SMCO4: variants seen among roughly 807,000 people sequenced by gnomAD.
SMCO4 encodes the protein single-pass membrane protein with coiled-coil domains 4.
In SMCO4, 4 loss-of-function variants were observed where a neutral mutation model predicts 3.6. The ratio of observed to expected loss-of-function variants is 1.11; its 90% confidence interval spans 0.54 to 2.53. The LOEUF is 2.53. SMCO4 is among the 30% of genes most tolerant of loss of function. SMCO4 has a pLI of 0.02. For missense variants in SMCO4, 70 were observed against 80.8 expected (o/e 0.87, Z 0.51); for synonymous variants, 36 against 35.3 (o/e 1.02, Z -0.07).
intron 2 of SMCO4, among the ~76,000 whole-genome samples, chr11:93,497,044 AAAC>A (rs1357736125): frequency 1.3e-5 from 2 of 152,210 alleles, no homozygotes; most frequent in Admixed American, 6.5e-5. Flanking sequence ...TGTTTTAGGA[AAAC>A]AACAATTCAC....
At chr11:93,536,453 AG>A (rs1465633862) in intron 1 of SMCO4, among the ~76,000 whole-genome samples, 5 of 152,244 alleles carry the variant, frequency 3.3e-5, no homozygotes, top group African/African-American at 1.2e-4. Flanking sequence ...AATATTTTGT[AG>A]GCAAATAAAA....
chr11:93,542,114 G>GAA (rs11417314), intron 1 of SMCO4, among the ~76,000 whole-genome samples: 10,241 of 148,464 alleles, frequency 0.069, 445 homozygotes, highest in African/African-American at 0.11. Context: ...TTGTAAAGGG[G>GAA]AAAAAAAAAA....
At chr11:93,546,254 C>G (rs957907695), upstream of SMCO4, among the ~76,000 whole-genome samples, 2 of 152,244 alleles carry the variant, frequency 1.3e-5, no homozygotes, top group Admixed American at 1.3e-4. Flanking sequence ...AGCAGAGCAT[C>G]ACACTTCATG....
chr11:93,490,870 G>T (rs140957867), intron 2 of SMCO4, among the ~76,000 whole-genome samples: 2 of 152,226 alleles, frequency 1.3e-5, no homozygotes, highest in Admixed American at 1.3e-4. Flanking sequence ...TCTGAAAGAC[G>T]AATAGGATGC....
chr11:93,533,708 C>T (rs1165140662), intron 1 of SMCO4, among the ~76,000 whole-genome samples: 1 of 152,120 alleles, frequency 6.6e-6, no homozygotes, highest in East Asian at 1.9e-4. Flanking sequence ...GAGAACATCC[C>T]AACTCAACTC....
chr11:93,490,041 A>G (rs1948695706), intron 2 of SMCO4, among the ~76,000 whole-genome samples: 1 of 152,200 alleles, frequency 6.6e-6, no homozygotes, highest in Non-Finnish European at 1.5e-5. Flanking sequence ...CAGAGCCAGC[A>G]GCAAAGGAGG....
rs1413626816 is a variant in SMCO4 at position 93,499,284 on chromosome 11, C to A, written c.-89G>T. The A allele has an allele frequency of 1.3e-5, 2 of 152,208 alleles. No homozygotes were observed. The highest frequency in any genetic ancestry group is 6.5e-5 in the Admixed American group (1 of 15,290). 9.4% of individuals were successfully genotyped at this position (152,208 alleles called of 1,614,324 possible). A position where few individuals can be genotyped will look rare whatever the true frequency, so the allele number is the denominator to read the frequency against. ...TATAAGAGAATGTTTACCTTTTCTT[C>A]AACTTCAAGAATCGTTGATTAATTT... On this transcript the variant is annotated 5_prime_UTR_variant, in exon 2 of 3. Transcript: ENST00000298966.
intron 1 of SMCO4, among the ~76,000 whole-genome samples, chr11:93,512,847 C>A (rs901058296): frequency 4.6e-5 from 7 of 152,154 alleles, no homozygotes; most frequent in African/African-American, 1.4e-4. Flanking sequence ...TACTACAATA[C>A]AATACAGGGC....
the SMCO4 span, among the ~76,000 whole-genome samples, chr11:93,552,875 A>G: frequency 6.6e-6 from 1 of 152,104 alleles, no homozygotes; most frequent in East Asian, 1.9e-4. Context: ...CCTTTTAGGA[A>G]ATTATTCTTC....
intron 1 of SMCO4, among the ~76,000 whole-genome samples, chr11:93,520,292 T>G (rs1038409950): frequency 5.9e-5 from 9 of 152,200 alleles, no homozygotes; most frequent in African/African-American, 2.2e-4. Flanking sequence ...CTAATAATAC[T>G]GATGATGATA....
At chr11:93,498,047 AC>A (rs1948795181) in intron 2 of SMCO4, among the ~76,000 whole-genome samples, 1 of 152,216 alleles carries the variant, frequency 6.6e-6, no homozygotes, top group African/African-American at 2.4e-5. Flanking sequence ...ACAGGATTCA[AC>A]CACTTGGATA....
chr11:93,481,549 C>T lies in SMCO4; in HGVS notation c.-80-2280G>A, dbSNP rs940812167. The T allele has an allele frequency of 3.1e-6, 3 of 983,134 alleles. No individual in the cohort carries two copies. In the African/African-American group the frequency reaches 5.2e-5, roughly 17 times the overall value. The allele number at this position is 983,134 out of a possible 1,614,324, so 60.9% of individuals were successfully genotyped here. On this transcript the variant is annotated intron_variant, in intron 2 of 2. Coordinates refer to ENST00000298966, the MANE Select transcript of SMCO4 (RefSeq NM_020179.3). ...ACACCTGGAACACACCCCAACGGCCCTGTGAGTCAGACAGACAGGCTTTAT... is the reference window on the plus strand; with the variant it reads ...ACACCTGGAACACACCCCAACGGCCTTGTGAGTCAGACAGACAGGCTTTAT...
chr11:93,498,676 C>T (rs774235222), intron 2 of SMCO4, among the ~76,000 whole-genome samples: 11 of 152,158 alleles, frequency 7.2e-5, no homozygotes, highest in South Asian at 2.1e-4. Flanking sequence ...GGACACCTGG[C>T]GAAGATCAGG....
intron 1 of SMCO4, among the ~76,000 whole-genome samples, chr11:93,528,609 T>C (rs1380678951): frequency 6.0e-5 from 9 of 149,584 alleles, no homozygotes; most frequent in Admixed American, 6.0e-4. Flanking sequence ...AAACCGGCTC[T>C]ACCTTCCAGG....
At chr11:93,529,211 A>C (rs571992727) in intron 1 of SMCO4, among the ~76,000 whole-genome samples, 1 of 152,230 alleles carries the variant, frequency 6.6e-6, no homozygotes, top group African/African-American at 2.4e-5. Context: ...TGCTAAGGAA[A>C]GAACACCCTA....
intron 2 of SMCO4, among the ~76,000 whole-genome samples, chr11:93,486,177 T>C (rs1948647896): frequency 6.6e-6 from 1 of 152,164 alleles, no homozygotes; most frequent in South Asian, 2.1e-4. Context: ...CACAGCAGCC[T>C]TCATCCCCAT....
At chr11:93,514,584 C>A (rs908981857) in intron 1 of SMCO4, among the ~76,000 whole-genome samples, 1 of 151,660 alleles carries the variant, frequency 6.6e-6, no homozygotes, top group Non-Finnish European at 1.5e-5. Flanking sequence ...TTTTTCCATA[C>A]GTACATGATT....
intron 2 of SMCO4, among the ~76,000 whole-genome samples, chr11:93,495,605 C>A (rs1321373178): frequency 6.6e-6 from 1 of 152,170 alleles, no homozygotes; most frequent in East Asian, 1.9e-4. Context: ...CAACCTAGAA[C>A]CAAGTTTCAT....
At chr11:93,509,855 T>A (rs1223921672) in intron 1 of SMCO4, among the ~76,000 whole-genome samples, 1 of 152,128 alleles carries the variant, frequency 6.6e-6, no homozygotes, top group Non-Finnish European at 1.5e-5. Flanking sequence ...GATAAAAGGA[T>A]ACACACTGAG....
Sources: gnomAD v4.1 joint callset for allele counts (sites outside exome capture counted in the v4.1 genomes callset) on GRCh38, gnomAD v4.1.1 for gene constraint, MANE v1.5 for transcripts, NCBI Gene and HGNC (gene_info 2026-07-23, HGNC 2026-07-21) for gene names.